Variants in FBN1 observed in about 807,000 individuals in gnomAD.
FBN1 encodes the protein fibrillin 1, also known as fibrillin-1.
In FBN1, 29 loss-of-function variants were observed where a neutral mutation model predicts 365.1. That is an observed-to-expected ratio of 0.08 (90% CI 0.06 to 0.11). FBN1 has a LOEUF of 0.11. Ranked by LOEUF, FBN1 falls within the 10% of genes least tolerant of loss-of-function variation. The probability of loss-of-function intolerance (pLI) is 1.00; values close to 1 mark genes in which losing one functional copy is unlikely to be tolerated. For missense variants in FBN1, 2,476 were observed against 3,703.2 expected, an observed-to-expected ratio of 0.67 and a Z score of 8.60; for synonymous variants, 1,210 against 1,270.5, an observed-to-expected ratio of 0.95 and a Z score of 1.01.
rs2043607383 is a variant in FBN1, at chr15:48,496,204, T to C, written c.2315A>G (p.Asn772Ser). Residue 772 changes from asparagine (N) to serine (S), a missense_variant, in exon 20 of 66, where the codon AAC becomes AGC. This residue lies in a region of FBN1 where 1,780 missense variants were observed against 2,840.8 expected (regional missense o/e 0.63). Transcript: ENST00000316623. ...TTGTCCATTGTCACAAAGGAGACTGTTCAGTACACATTCATTAATATCTGC... is the reference window on the plus strand; with the variant it reads ...TTGTCCATTGTCACAAAGGAGACTGCTCAGTACACATTCATTAATATCTGC... ...NCVDINECVL[N>S]SLLCDNGQCR... 2 of 1,613,792 alleles carry C rather than the reference T, an allele frequency of 1.2e-6. No individual in the cohort carries two copies. Among genetic ancestry groups the C allele is most frequent in the Non-Finnish European group, 8.5e-7 (1 of 1,179,768 alleles).
chr15:48,545,639 A>G (rs1686673707), intron 6 of FBN1, among the ~76,000 whole-genome samples: 1 of 152,166 alleles, frequency 6.6e-6, no homozygotes, highest in Admixed American at 6.6e-5. Context: ...AAGGTGCACA[A>G]CAATGTGAAT....
At chr15:48,426,588 T>A (rs1045775993) in intron 58 of FBN1, among the ~76,000 whole-genome samples, 1 of 152,068 alleles carries the variant, frequency 6.6e-6, no homozygotes, top group Non-Finnish European at 1.5e-5. Flanking sequence ...TTTACCTCCT[T>A]ACTGCTTGGC....
chr15:48,426,346 T>C (rs1001719084), intron 58 of FBN1, among the ~76,000 whole-genome samples: 2 of 152,214 alleles, frequency 1.3e-5, no homozygotes, highest in Non-Finnish European at 2.9e-5. Flanking sequence ...TTGTTGTCTT[T>C]GTGGTTAATC....
In FBN1 at chr15:48,612,964, C is replaced by G; in HGVS notation, c.247+46G>C. ...TCTAAGGCTCCCCATGCAACCAACACAACAAAAGAAGGACATGCAGAATGA... is the reference window on the plus strand; with the variant it reads ...TCTAAGGCTCCCCATGCAACCAACAGAACAAAAGAAGGACATGCAGAATGA... On this transcript the variant is annotated intron_variant, in intron 3 of 65. Transcript: ENST00000316623. 2.1e-6 allele frequency: 3 copies of G among 1,429,128 alleles called. No individual in the cohort carries two copies. In the South Asian group the frequency reaches 3.4e-5, roughly 16 times the overall value. The allele number at this position is 1,429,128 out of a possible 1,614,324, so 88.5% of individuals were successfully genotyped here.
At chr15:48,586,758 T>C (rs2044438583) in intron 6 of FBN1, among the ~76,000 whole-genome samples, 1 of 152,148 alleles carries the variant, frequency 6.6e-6, no homozygotes, top group South Asian at 2.1e-4. Context: ...TTTAGGCAAA[T>C]ATTTATCTTT....
chr15:48,634,860 CACACACACACACACACACA>C (rs1890064741), intron 2 of FBN1, among the ~76,000 whole-genome samples: 2 of 41,490 alleles, frequency 4.8e-5, no homozygotes, highest in African/African-American at 3.6e-4. Context: ...AAAAAAACCA[CACACACACACACACACACA>C]CACACACACA....
intron 2 of FBN1, among the ~76,000 whole-genome samples, chr15:48,617,943 G>A (rs765522966): frequency 7.9e-5 from 12 of 152,150 alleles, no homozygotes; most frequent in Non-Finnish European, 4.4e-5. Flanking sequence ...TAAAAACAAG[G>A]TCAGGAGGCT....
chr15:48,497,166 G>A, intron 19 of FBN1, 100 bp downstream of exon 19: 1 of 1,390,116 alleles, frequency 7.2e-7, no homozygotes, highest in Non-Finnish European at 1.0e-6. Context: ...GTGTCCATTT[G>A]CCCAGTCCTC....
At chr15:48,479,613 A>G (rs1274213401) in intron 32 of FBN1, among the ~76,000 whole-genome samples, 1 of 152,208 alleles carries the variant, frequency 6.6e-6, no homozygotes, top group Non-Finnish European at 1.5e-5. Context: ...ATCTATGAAA[A>G]AGATTTGAAG....
At chr15:48,581,033 C>A (rs2044387783) in intron 6 of FBN1, among the ~76,000 whole-genome samples, 1 of 152,248 alleles carries the variant, frequency 6.6e-6, no homozygotes, top group South Asian at 2.1e-4. Context: ...AACATCATCA[C>A]AGCAATGCAC....
chr15:48,410,731 T>A lies in FBN1; in HGVS notation c.*259A>T. 2.2e-6 allele frequency: 1 copy of A among 458,538 alleles called. No individual in the cohort carries two copies. Among genetic ancestry groups the A allele is most frequent in the African/African-American group, 2.0e-5 (1 of 50,270 alleles). 28.4% of individuals were successfully genotyped at this position (458,538 alleles called of 1,614,324 possible). ...ATAAATGGCCAACCCCCAATGGAAA[T>A]ACACGTCCCAGTTTTCAAGAATCAA... On this transcript the variant is annotated 3_prime_UTR_variant, in exon 66 of 66. Transcript: ENST00000316623.
intron 4 of FBN1, among the ~76,000 whole-genome samples, chr15:48,607,615 CA>C (rs1476110327): frequency 6.6e-6 from 1 of 151,842 alleles, no homozygotes; most frequent in East Asian, 1.9e-4. Flanking sequence ...AGGCCTTCAC[CA>C]GACATGTAAT....
Position 48,515,510 on chromosome 15 carries a change from C to T in FBN1, c.1345G>A (p.Val449Ile), listed in dbSNP as rs139058991. Reference protein sequence around the residue: ...REPPRVLPVNVTDYCQLVRYL... With the variant: ...REPPRVLPVNITDYCQLVRYL... Reference sequence around the variant, plus strand: ...CGGACCAACTGGCAGTAATCAGTAACGTTTACTGGCAGCACCCCTAGAAGA... The same window carrying T: ...CGGACCAACTGGCAGTAATCAGTAATGTTTACTGGCAGCACCCCTAGAAGA... Residue 449 changes from valine to isoleucine, a missense_variant, in exon 12 of 66, where the codon GTT (valine) becomes ATT (isoleucine). This residue lies in a region of FBN1 where 421 missense variants were observed against 520.1 expected (regional missense o/e 0.81). Transcript: ENST00000316623. 4.7e-5 allele frequency: 76 copies of T among 1,613,854 alleles called. No homozygotes were observed. The highest frequency in any genetic ancestry group is 1.6e-4 in the Middle Eastern group (1 of 6,082).
At chr15:48,527,564 G>C (rs2043925077) in intron 8 of FBN1, among the ~76,000 whole-genome samples, 1 of 152,154 alleles carries the variant, frequency 6.6e-6, no homozygotes, top group African/African-American at 2.4e-5. Flanking sequence ...CCCCCAATAA[G>C]AACATTTATT....
chr15:48,568,033 GA>G (rs1482186971), intron 6 of FBN1, among the ~76,000 whole-genome samples: 42 of 81,336 alleles, frequency 5.2e-4, no homozygotes, highest in African/African-American at 3.0e-3. Context: ...AAGAAAGAAA[GA>G]AAGAAAGAAA....
At position 48,607,481 on chromosome 15, in the gene FBN1, A is replaced by T. The variant is rs143418531; in HGVS notation, c.346+3247T>A. On this transcript the variant is annotated intron_variant, in intron 4 of 65. Transcript: ENST00000316623. Reference sequence around the variant, plus strand: ...GAGCAGTGGGGCCTTTGGGGAGGTGATTAAGTTATGCAGGCAGAGCCCTCA... The same window carrying T: ...GAGCAGTGGGGCCTTTGGGGAGGTGTTTAAGTTATGCAGGCAGAGCCCTCA... Among the ~76,000 whole-genome samples the T allele has an allele frequency of 3.9e-4, 59 of 150,752 alleles. No individual in the cohort carries two copies. The East Asian group carries it at 8.6e-3, about 22-fold the overall frequency.
intron 4 of FBN1, among the ~76,000 whole-genome samples, chr15:48,607,786 G>A (rs1374856907): frequency 1.3e-5 from 2 of 152,162 alleles, no homozygotes; most frequent in East Asian, 3.8e-4. Flanking sequence ...AGTGTTACAA[G>A]CTAATATATA....
At chr15:48,456,784 A>G in intron 43 of FBN1, 22 bp from the exon 44 acceptor site, 2 of 1,606,384 alleles carry the variant, frequency 1.2e-6, no homozygotes, top group Non-Finnish European at 8.5e-7. Flanking sequence ...GTAGTCATTC[A>G]TGAGTGACAG....
chr15:48,576,475 T>C (rs2044348777), intron 6 of FBN1, among the ~76,000 whole-genome samples: 1 of 152,162 alleles, frequency 6.6e-6, no homozygotes, highest in Admixed American at 6.6e-5. Flanking sequence ...CATGGGTTGA[T>C]CCCAACAGAC....
Sources: allele counts gnomAD v4.1 joint callset (sites outside exome capture counted in the v4.1 genomes callset), GRCh38; gene constraint gnomAD v4.1.1; regional missense constraint gnomAD v4.1.1; transcripts MANE v1.5; gene names NCBI Gene and HGNC (gene_info 2026-07-23, HGNC 2026-07-21).